The following SERPINE2 variants were observed in gnomAD, a reference collection of about 807,000 sequenced individuals.
The protein encoded by SERPINE2 is glia-derived nexin.
SERPINE2 carries 14 observed loss-of-function variants against 36.3 expected under a neutral mutation model. That is an observed-to-expected ratio of 0.39 (90% CI 0.25 to 0.60). The LOEUF (loss-of-function observed/expected upper bound fraction) is 0.60. Ranked by LOEUF, SERPINE2 falls within the 20% of genes least tolerant of loss-of-function variation. SERPINE2 has a pLI of 0.57. For synonymous variants in SERPINE2, 192 were observed against 191.8 expected (o/e 1.00, Z -0.01); for missense variants, 418 against 499.6 (o/e 0.84, Z 1.56).
intron 1 of SERPINE2, chr2:224,013,955 ATTGG>A (rs1314032513): frequency 6.6e-6 from 1 of 152,368 alleles, no homozygotes; most frequent in East Asian, 1.9e-4. Context: ...GGGCTGACAA[ATTGG>A]ATAAGGTGGG....
intron 3 of SERPINE2, among the ~76,000 whole-genome samples, chr2:223,995,121 G>A (rs1364008796): frequency 2.0e-5 from 3 of 152,196 alleles, no homozygotes; most frequent in East Asian, 1.9e-4. Flanking sequence ...AGGGGACTAG[G>A]AAGAGGCCTG....
At chr2:224,032,411 G>C (rs1279214148) in intron 1 of SERPINE2, among the ~76,000 whole-genome samples, 1 of 152,146 alleles carries the variant, frequency 6.6e-6, no homozygotes, top group Non-Finnish European at 1.5e-5. Context: ...GCGAAAGTTG[G>C]GGTAGGGGTA....
chr2:223,984,623 T>C (rs1299516926), intron 5 of SERPINE2, 129 bp downstream of exon 5: 4 of 828,442 alleles, frequency 4.8e-6, no homozygotes, highest in Admixed American at 2.6e-5. Context: ...AATCCCACCA[T>C]GAAATTTCTG....
intron 1 of SERPINE2, among the ~76,000 whole-genome samples, chr2:224,025,508 T>C (rs975840587): frequency 6.6e-6 from 1 of 152,196 alleles, no homozygotes; most frequent in African/African-American, 2.4e-5. Context: ...CCCTACAAAT[T>C]TTGGTCAATC....
At chr2:224,008,567 C>T (rs1691506826) in intron 1 of SERPINE2, among the ~76,000 whole-genome samples, 2 of 152,242 alleles carry the variant, frequency 1.3e-5, no homozygotes, top group Admixed American at 1.3e-4. Context: ...AGCCTCTTCA[C>T]ACTCGTTCTT....
At chr2:224,005,039 AATATATTTT>A (rs59590291) in intron 1 of SERPINE2, among the ~76,000 whole-genome samples, 34,873 of 79,962 alleles carry the variant, frequency 0.44, 6,517 homozygotes, top group African/African-American at 0.51. Flanking sequence ...ATAATATATA[AATATATTTT>A]ATATATTTTA....
intron 3 of SERPINE2, among the ~76,000 whole-genome samples, chr2:223,997,383 G>A (rs1258047684): frequency 1.3e-5 from 2 of 152,090 alleles, no homozygotes; most frequent in Non-Finnish European, 2.9e-5. Flanking sequence ...AGCATGTCTG[G>A]CTAATTTTTG....
intron 1 of SERPINE2, among the ~76,000 whole-genome samples, chr2:224,009,423 G>A (rs965499379): frequency 5.3e-5 from 8 of 152,164 alleles, no homozygotes; most frequent in Admixed American, 1.3e-4. Context: ...GGCCGGGCAC[G>A]GTGGCTCAAG....
chr2:224,028,992 C>T (rs1689583543), intron 1 of SERPINE2, among the ~76,000 whole-genome samples: 1 of 152,214 alleles, frequency 6.6e-6, no homozygotes, highest in South Asian at 2.1e-4. Context: ...ATTGGAAAAA[C>T]TATGTCTTCA....
chr2:224,001,517 G>T, intron 2 of SERPINE2, 125 bp downstream of exon 2: 1 of 1,097,366 alleles, frequency 9.1e-7, no homozygotes, highest in Non-Finnish European at 1.3e-6. Context: ...GCCCCAAGTG[G>T]CACCAGCAAA....
At chr2:224,024,001 G>A (rs545776007) in intron 1 of SERPINE2, among the ~76,000 whole-genome samples, 2 of 152,360 alleles carry the variant, frequency 1.3e-5, no homozygotes, top group South Asian at 4.1e-4. Flanking sequence ...GGTACAAGAG[G>A]TGGGTGGTCC....
At chr2:223,992,997 C>T (rs1690733332) in intron 3 of SERPINE2, among the ~76,000 whole-genome samples, 1 of 152,054 alleles carries the variant, frequency 6.6e-6, no homozygotes, top group Admixed American at 6.5e-5. Flanking sequence ...TGGTGGCATG[C>T]ACCTGTAATC....
chr2:224,022,769 C>A (rs2396039), intron 1 of SERPINE2, among the ~76,000 whole-genome samples: 143,814 of 152,248 alleles, frequency 0.94, 68,281 homozygotes, highest in Non-Finnish European at 0.99. Flanking sequence ...GGCTGTGTCC[C>A]CACCCAAAAT....
In SERPINE2 at chr2:223,992,591, A is replaced by G. The variant is rs186853023; in HGVS notation, c.488-591T>C. 1.1e-3 allele frequency among the ~76,000 whole-genome samples: 171 copies of G among 152,354 alleles called. 2 individuals carry two copies. The highest frequency in any genetic ancestry group is 3.4e-3 in the Middle Eastern group (1 of 294). ...GGCCTCCTAACTGCTTAAAGAAGAAAGGAAACAAAAAATCAGTGTCTTTGT... is the reference window on the plus strand; with the variant it reads ...GGCCTCCTAACTGCTTAAAGAAGAAGGGAAACAAAAAATCAGTGTCTTTGT... On this transcript the variant is annotated intron_variant, in intron 3 of 8. Transcript: ENST00000409304.
At chr2:224,033,676 A>AC (rs1262063718) in intron 1 of SERPINE2, among the ~76,000 whole-genome samples, 69 of 151,730 alleles carry the variant, frequency 4.5e-4, no homozygotes, top group Admixed American at 7.9e-4. Context: ...AAAAAAAAAA[A>AC]AGTCACCAAG....
intron 4 of SERPINE2, among the ~76,000 whole-genome samples, chr2:223,986,693 T>C (rs1188496714): frequency 6.6e-6 from 1 of 152,164 alleles, no homozygotes; most frequent in Non-Finnish European, 1.5e-5. Flanking sequence ...ATTGAAGTAA[T>C]GAATAATGAA....
intron 1 of SERPINE2, among the ~76,000 whole-genome samples, chr2:224,016,833 G>A (rs1691814201): frequency 6.6e-6 from 1 of 152,140 alleles, no homozygotes. Flanking sequence ...AACTTGGTTG[G>A]ATTTCAAAGA....
intron 1 of SERPINE2, among the ~76,000 whole-genome samples, chr2:224,032,139 AT>A (rs911652949): frequency 6.6e-6 from 1 of 152,214 alleles, no homozygotes; most frequent in Non-Finnish European, 1.5e-5. Context: ...TCTTGAGTGG[AT>A]TTCTTATTTA....
In SERPINE2 at chr2:224,039,245, G is replaced by A. The variant is rs1692634778; in HGVS notation, c.-169C>T. Reference sequence around the variant, plus strand: ...GTCACAGCCGGAAAGAGGCAGCGGTGGCGCCTGCAGACGCCGCGCAGCCCG... The same window carrying A: ...GTCACAGCCGGAAAGAGGCAGCGGTAGCGCCTGCAGACGCCGCGCAGCCCG... On this transcript the variant is annotated 5_prime_UTR_variant, in exon 1 of 9. Transcript: ENST00000409304. This position sits in a 1 kb window ranked among gnomAD's most constrained non-coding sequence, Gnocchi z 5.2. 6.6e-6 allele frequency: 1 copy of A among 150,714 alleles called. No individual in the cohort carries two copies. Among genetic ancestry groups the A allele is most frequent in the Non-Finnish European group, 1.5e-5 (1 of 67,518 alleles). 9.3% of individuals were successfully genotyped at this position (150,714 alleles called of 1,614,324 possible).
Sources: allele counts gnomAD v4.1 joint callset (sites outside exome capture counted in the v4.1 genomes callset), GRCh38; gene constraint gnomAD v4.1.1; non-coding constraint Gnocchi (gnomAD v3.1); transcripts MANE v1.5; gene names NCBI Gene and HGNC (gene_info 2026-07-23, HGNC 2026-07-21).